NKAIN2: variants seen among roughly 807,000 people sequenced by gnomAD.
The protein encoded by NKAIN2 is sodium/potassium-transporting ATPase subunit beta-1-interacting protein 2.
A neutral mutation model predicts 32.6 loss-of-function variants in NKAIN2; 14 were observed. The observed-to-expected ratio is 0.43, with a 90% CI of 0.28 to 0.67. The LOEUF (loss-of-function observed/expected upper bound fraction) is 0.67, where lower values mean the gene tolerates loss of function less well. Among genes scored for constraint, NKAIN2 ranks in the 30% least tolerant of loss-of-function variants. The pLI is 0.17. For missense variants in NKAIN2, 198 were observed against 258.3 expected (o/e 0.77, Z 1.60); for synonymous variants, 80 against 87.2 (o/e 0.92, Z 0.46).
chr6:124,711,803 CCTT>C (rs1215175590), intron 4 of NKAIN2, among the ~76,000 whole-genome samples: 1 of 152,142 alleles, frequency 6.6e-6, no homozygotes. Context: ...TTGTCTGAAG[CCTT>C]CTTCTCTCAG....
intron 4 of NKAIN2, among the ~76,000 whole-genome samples, chr6:124,671,362 C>A (rs147182214): frequency 2.0e-5 from 3 of 152,170 alleles, no homozygotes; most frequent in African/African-American, 4.8e-5. Flanking sequence ...CATTCAAGGG[C>A]AATTTTCTCT....
chr6:124,727,176 G>C (rs933689328), intron 4 of NKAIN2, among the ~76,000 whole-genome samples: 42 of 150,978 alleles, frequency 2.8e-4, no homozygotes, highest in African/African-American at 9.0e-4. Context: ...AGCAAGGCAG[G>C]CCAACGTTCA....
chr6:124,028,142 A>G (rs183258682), intron 1 of NKAIN2, among the ~76,000 whole-genome samples: 2 of 152,122 alleles, frequency 1.3e-5, no homozygotes, highest in African/African-American at 4.8e-5. Context: ...TTTTATACAT[A>G]ATTTAGAATG....
Position 124,671,014 on chromosome 6 carries a change from T to G in NKAIN2, c.474+12628T>G, listed in dbSNP as rs771061299. Among the ~76,000 whole-genome samples, 19 of 152,054 alleles carry G rather than the reference T, an allele frequency of 1.2e-4. 1 individual carries two copies. Among genetic ancestry groups the G allele is most frequent in the Non-Finnish European group, 1.5e-5 (1 of 67,976 alleles). Reference sequence around the variant, plus strand: ...CACTTTTAGGTACCACTCTGCAGACTGCTATATTGCAAAATAAACAAACAA... The same window carrying G: ...CACTTTTAGGTACCACTCTGCAGACGGCTATATTGCAAAATAAACAAACAA... On this transcript the variant is annotated intron_variant, in intron 4 of 6. Coordinates refer to ENST00000368417, the MANE Select transcript of NKAIN2 (RefSeq NM_001040214.3).
intron 3 of NKAIN2, among the ~76,000 whole-genome samples, chr6:124,388,183 CAA>C (rs71753088): frequency 4.1e-5 from 6 of 147,450 alleles, no homozygotes; most frequent in Non-Finnish European, 7.5e-5. Context: ...ATTAATTTTA[CAA>C]AAAAAAAACC....
At chr6:124,145,533 T>TTG (rs1787356896) in intron 1 of NKAIN2, among the ~76,000 whole-genome samples, 1 of 151,990 alleles carries the variant, frequency 6.6e-6, no homozygotes, top group Non-Finnish European at 1.5e-5. Context: ...TGAGACAGAG[T>TTG]CTCACTCTGT....
At chr6:123,903,172 G>A (rs1220098393) in intron 1 of NKAIN2, among the ~76,000 whole-genome samples, 1 of 152,206 alleles carries the variant, frequency 6.6e-6, no homozygotes, top group African/African-American at 2.4e-5. Context: ...AATATGAAAC[G>A]ATGCAGCTGA....
chr6:123,948,387 T>C (rs77505911), intron 1 of NKAIN2, among the ~76,000 whole-genome samples: 9,632 of 151,980 alleles, frequency 0.063, 987 homozygotes, highest in African/African-American at 0.21. Context: ...TTTCCACCAA[T>C]GGAAATTAGT....
At chr6:124,462,849 A>G (rs1418790947) in intron 3 of NKAIN2, among the ~76,000 whole-genome samples, 1 of 152,084 alleles carries the variant, frequency 6.6e-6, no homozygotes, top group African/African-American at 2.4e-5. Flanking sequence ...CTTGCAGGGA[A>G]CACAAAATAC....
At chr6:124,739,368 G>A (rs1777096864) in intron 4 of NKAIN2, among the ~76,000 whole-genome samples, 1 of 151,860 alleles carries the variant, frequency 6.6e-6, no homozygotes, top group South Asian at 2.1e-4. Flanking sequence ...TTAATCATAG[G>A]AGATTAGAGA....
At chr6:124,348,819 G>A (rs1798574893) in intron 2 of NKAIN2, among the ~76,000 whole-genome samples, 1 of 152,156 alleles carries the variant, frequency 6.6e-6, no homozygotes, top group South Asian at 2.1e-4. Context: ...GAAGCTCAAG[G>A]GGTCAGGGAG....
chr6:124,784,400 A>T (rs1779410739), intron 4 of NKAIN2, among the ~76,000 whole-genome samples: 1 of 152,014 alleles, frequency 6.6e-6, no homozygotes. Flanking sequence ...CACCCCCCTT[A>T]GTCCCTGGAA....
Position 124,267,481 on chromosome 6 carries a change from TAA to T in NKAIN2, c.55-15504_55-15503del, listed in dbSNP as rs71541244. Among the ~76,000 whole-genome samples the T allele has an allele frequency of 3.8e-3, 375 of 97,726 alleles. 1 individual carries two copies. The highest frequency in any genetic ancestry group is 0.012 in the African/African-American group (326 of 27,546). The allele number at this position is 97,726 out of a possible 152,430, so 64.1% of individuals were successfully genotyped here. ...CAATAATATGGCAAAACCATGTCTC[TAA>T]AAAAAAAAAAAAAAAAAAAGAGAAA... On this transcript the variant is annotated intron_variant, in intron 1 of 6. Coordinates refer to ENST00000368417, the MANE Select transcript of NKAIN2 (RefSeq NM_001040214.3).
At chr6:124,764,677 T>C (rs1309888845) in intron 4 of NKAIN2, among the ~76,000 whole-genome samples, 3 of 152,188 alleles carry the variant, frequency 2.0e-5, no homozygotes, top group Non-Finnish European at 1.5e-5. Flanking sequence ...TACTAAACCA[T>C]CTATTTCTGT....
intron 3 of NKAIN2, among the ~76,000 whole-genome samples, chr6:124,546,579 A>ATG (rs1780102070): frequency 6.6e-6 from 1 of 151,900 alleles, no homozygotes; most frequent in South Asian, 2.1e-4. Context: ...TTATATATAT[A>ATG]TATCTCCCCT....
At chr6:124,681,498 G>T (rs1773617875) in intron 4 of NKAIN2, among the ~76,000 whole-genome samples, 1 of 151,936 alleles carries the variant, frequency 6.6e-6, no homozygotes, top group Non-Finnish European at 1.5e-5. Context: ...TATCATCTTG[G>T]TGTATGATTA....
chr6:124,132,060 A>G (rs908795920), intron 1 of NKAIN2, among the ~76,000 whole-genome samples: 72 of 152,274 alleles, frequency 4.7e-4, no homozygotes, highest in African/African-American at 1.6e-3. Flanking sequence ...ATCAAAACTC[A>G]GCACTGTTAA....
At chr6:124,633,006 T>G (rs1250152244) in intron 3 of NKAIN2, among the ~76,000 whole-genome samples, 2 of 152,150 alleles carry the variant, frequency 1.3e-5, no homozygotes, top group East Asian at 3.9e-4. Flanking sequence ...CTAAAGAGCA[T>G]TAAATTTTTT....
chr6:124,113,619 C>T (rs1785483043), intron 1 of NKAIN2, among the ~76,000 whole-genome samples: 1 of 152,038 alleles, frequency 6.6e-6, no homozygotes, highest in South Asian at 2.1e-4. Context: ...TGTCCCCCCG[C>T]CCCGACTCCC....
Sources: gnomAD v4.1 joint callset for allele counts (sites outside exome capture counted in the v4.1 genomes callset) on GRCh38, gnomAD v4.1.1 for gene constraint, MANE v1.5 for transcripts, NCBI Gene and HGNC (gene_info 2026-07-23, HGNC 2026-07-21) for gene names.